SDCCAG8: variants seen among roughly 807,000 people sequenced by gnomAD.
The protein encoded by SDCCAG8 is SHH signaling and ciliogenesis regulator SDCCAG8, also known as serologically defined colon cancer antigen 8.
A neutral mutation model predicts 101.8 loss-of-function variants in SDCCAG8; 74 were observed. The observed-to-expected ratio is 0.73, with a 90% confidence interval of 0.60 to 0.88. The LOEUF is 0.88. SDCCAG8 is among the 40% of genes least tolerant of loss of function. The probability of loss-of-function intolerance (pLI) is 0.00; values close to 1 mark genes in which losing one functional copy is unlikely to be tolerated. For synonymous variants in SDCCAG8, 281 were observed against 292.9 expected, an observed-to-expected ratio of 0.96 and a Z score of 0.41; for missense variants, 787 against 822.6, an observed-to-expected ratio of 0.96 and a Z score of 0.53.
intron 13 of SDCCAG8, among the ~76,000 whole-genome samples, chr1:243,383,300 C>A (rs1251940220): frequency 1.3e-5 from 2 of 152,198 alleles, no homozygotes; most frequent in African/African-American, 4.8e-5. Flanking sequence ...ATTATAGTAT[C>A]TTCTGTAGGC....
chr1:243,483,386 G>A (rs1015700530), intron 16 of SDCCAG8, among the ~76,000 whole-genome samples: 5 of 152,136 alleles, frequency 3.3e-5, no homozygotes, highest in Admixed American at 3.3e-4. Context: ...TGCTGAGCAC[G>A]AGCGCCCTCC....
intron 16 of SDCCAG8, among the ~76,000 whole-genome samples, chr1:243,434,710 C>T (rs1267643276): frequency 6.6e-6 from 1 of 152,178 alleles, no homozygotes; most frequent in African/African-American, 2.4e-5. Context: ...TTGAGAACTC[C>T]CTGTGAGGAC....
At chr1:243,475,514 G>A (rs1558520206) in intron 16 of SDCCAG8, among the ~76,000 whole-genome samples, 1 of 152,226 alleles carries the variant, frequency 6.6e-6, no homozygotes, top group East Asian at 1.9e-4. Context: ...GGCTCCATAA[G>A]CAACACTGAC....
At chr1:243,464,110 A>G (rs183053541) in intron 16 of SDCCAG8, among the ~76,000 whole-genome samples, 14 of 152,334 alleles carry the variant, frequency 9.2e-5, no homozygotes, top group African/African-American at 3.1e-4. Flanking sequence ...CACAATTAAC[A>G]TGGCCCTGTT....
At chr1:243,284,096 TATCTC>T (rs2069347786) in intron 4 of SDCCAG8, among the ~76,000 whole-genome samples, 1 of 152,226 alleles carries the variant, frequency 6.6e-6, no homozygotes, top group Non-Finnish European at 1.5e-5. Context: ...ATCTTTGCCT[TATCTC>T]AGACTGTTTC....
rs967221764 is a variant in SDCCAG8 at position 243,450,847 on chromosome 1, C to T, written c.1985+24289C>T. 2.6e-5 allele frequency among the ~76,000 whole-genome samples: 4 copies of T among 152,060 alleles called. 1 individual carries two copies. Among genetic ancestry groups the T allele is most frequent in the Non-Finnish European group, 4.4e-5 (3 of 68,006 alleles). ...CTAATATTTGTATTTTTAGTAGAGA[C>T]GGGGTTTCACCATGTTGGCCAGGCT... On this transcript the variant is annotated intron_variant, in intron 16 of 17. Coordinates refer to ENST00000366541, the MANE Select transcript of SDCCAG8 (RefSeq NM_006642.5).
At chr1:243,288,851 C>CA (rs2069903669) in intron 5 of SDCCAG8, among the ~76,000 whole-genome samples, 1 of 151,594 alleles carries the variant, frequency 6.6e-6, no homozygotes, top group South Asian at 2.1e-4. Flanking sequence ...ACTAAAAATA[C>CA]AAAAAATTAG....
chr1:243,293,447 C>A, intron 6 of SDCCAG8: 1 of 648,810 alleles, frequency 1.5e-6, no homozygotes, highest in Non-Finnish European at 2.8e-6. Flanking sequence ...TAAACAATAT[C>A]TCCATTCCCC....
At chr1:243,433,944 G>C (rs1558462879) in intron 16 of SDCCAG8, among the ~76,000 whole-genome samples, 1 of 152,218 alleles carries the variant, frequency 6.6e-6, no homozygotes, top group Non-Finnish European at 1.5e-5. Flanking sequence ...ACCCGGCAGA[G>C]CTTGTGTGAT....
intron 16 of SDCCAG8, among the ~76,000 whole-genome samples, chr1:243,439,588 G>A (rs1404234738): frequency 6.8e-6 from 1 of 147,170 alleles, no homozygotes; most frequent in Non-Finnish European, 1.5e-5. Flanking sequence ...TCACGCCACT[G>A]CACCCCAGCC....
At chr1:243,392,681 G>T (rs982040675) in intron 13 of SDCCAG8, among the ~76,000 whole-genome samples, 29 of 152,186 alleles carry the variant, frequency 1.9e-4, no homozygotes, top group African/African-American at 6.8e-4. Flanking sequence ...TTTGCACAAA[G>T]AATTATCTGT....
chr1:243,311,832 T>C (rs1425629635), intron 8 of SDCCAG8, among the ~76,000 whole-genome samples: 1 of 152,136 alleles, frequency 6.6e-6, no homozygotes, highest in African/African-American at 2.4e-5. Flanking sequence ...TCCTTCTAGA[T>C]TATGAAAAAA....
intron 17 of SDCCAG8, among the ~76,000 whole-genome samples, chr1:243,497,247 G>C (rs549568374): frequency 6.9e-6 from 1 of 145,342 alleles, no homozygotes; most frequent in Non-Finnish European, 1.5e-5. Flanking sequence ...AAATGGAGGC[G>C]ACAAAACGGT....
At chr1:243,267,375 T>G in intron 1 of SDCCAG8, 1 of 247,646 alleles carries the variant, frequency 4.0e-6, no homozygotes, top group South Asian at 4.4e-5. Flanking sequence ...GACGGGCGGA[T>G]TTCACCTGAG....
At chr1:243,433,351 C>CAA (rs1386207758) in intron 16 of SDCCAG8, among the ~76,000 whole-genome samples, 1 of 98,064 alleles carries the variant, frequency 1.0e-5, no homozygotes, top group South Asian at 3.9e-4. Context: ...AACTCCGTCT[C>CAA]AAAAGAAAAA....
chr1:243,401,890 AAAGGTCATTTT>A (rs1444412538), intron 13 of SDCCAG8, among the ~76,000 whole-genome samples: 1 of 152,212 alleles, frequency 6.6e-6, no homozygotes, highest in East Asian at 1.9e-4. Context: ...CAAGGTTAAA[AAAGGTCATTTT>A]AATAGTTTTT....
chr1:243,332,556 C>T (rs777514043), intron 10 of SDCCAG8, among the ~76,000 whole-genome samples: 2 of 148,776 alleles, frequency 1.3e-5, no homozygotes, highest in Non-Finnish European at 3.0e-5. Flanking sequence ...ATCACGGTCC[C>T]GGTCTGGAGG....
chr1:243,447,507 C>T (rs1380625962), intron 16 of SDCCAG8, among the ~76,000 whole-genome samples: 2 of 151,740 alleles, frequency 1.3e-5, no homozygotes, highest in Non-Finnish European at 2.9e-5. Flanking sequence ...TGTGTGTGTG[C>T]CTGCGCACGC....
At chr1:243,280,527 GATT>G (rs2068939458) in intron 4 of SDCCAG8, among the ~76,000 whole-genome samples, 1 of 152,012 alleles carries the variant, frequency 6.6e-6, no homozygotes, top group South Asian at 2.1e-4. Flanking sequence ...TAGAAGCTTA[GATT>G]ATTTATTTGA....
Sources: gnomAD v4.1 joint callset for allele counts (sites outside exome capture counted in the v4.1 genomes callset) on GRCh38, gnomAD v4.1.1 for gene constraint, MANE v1.5 for transcripts, NCBI Gene and HGNC (gene_info 2026-07-23, HGNC 2026-07-21) for gene names.